The following MTUS2 variants were observed in gnomAD, a reference collection of about 807,000 sequenced individuals.
MTUS2 encodes the protein microtubule-associated tumor suppressor candidate 2.
A neutral mutation model predicts 114.1 loss-of-function variants in MTUS2; 40 were observed. That is an observed-to-expected ratio of 0.35 (90% CI 0.27 to 0.46). MTUS2 has a LOEUF of 0.46. Ranked by LOEUF, MTUS2 falls within the 20% of genes least tolerant of loss-of-function variation. The pLI is 1.00. For synonymous variants in MTUS2, 688 were observed against 672.0 expected, an observed-to-expected ratio of 1.02 and a Z score of -0.37; for missense variants, 1,679 against 1,705.4, an observed-to-expected ratio of 0.98 and a Z score of 0.27.
At chr13:28,876,780 G>A (rs1329437558) in intron 2 of MTUS2, among the ~76,000 whole-genome samples, 1 of 152,096 alleles carries the variant, frequency 6.6e-6, no homozygotes, top group Non-Finnish European at 1.5e-5. Flanking sequence ...AGGAAGGAGG[G>A]AAAACACGCT....
At chr13:29,281,569 T>C in intron 5 of MTUS2, 135 bp from the exon 6 acceptor site, 1 of 939,134 alleles carries the variant, frequency 1.1e-6, no homozygotes, top group Non-Finnish European at 1.6e-6. Context: ...AAAATACTTT[T>C]CAAGGTCACT....
intron 4 of MTUS2, among the ~76,000 whole-genome samples, chr13:29,061,073 G>A (rs1888396645): frequency 6.6e-6 from 1 of 152,092 alleles, no homozygotes; most frequent in African/African-American, 2.4e-5. Context: ...TTACCGACGT[G>A]AGCCACTGCG....
intron 2 of MTUS2, among the ~76,000 whole-genome samples, chr13:28,889,576 C>G (rs562821265): frequency 2.6e-5 from 4 of 152,198 alleles, no homozygotes; most frequent in East Asian, 3.9e-4. Flanking sequence ...GTTTCTGTAT[C>G]TCTTGCAAAC....
At chr13:29,159,222 A>C (rs944270901) in intron 5 of MTUS2, among the ~76,000 whole-genome samples, 14 of 152,246 alleles carry the variant, frequency 9.2e-5, no homozygotes, top group African/African-American at 3.4e-4. Context: ...TATAAACTTT[A>C]TAACAAATCC....
At chr13:29,479,830 C>T (rs1881017396) in intron 9 of MTUS2, among the ~76,000 whole-genome samples, 1 of 152,156 alleles carries the variant, frequency 6.6e-6, no homozygotes, top group African/African-American at 2.4e-5. Context: ...CTGTGGACCA[C>T]GGACCTTGTG....
intron 2 of MTUS2, among the ~76,000 whole-genome samples, chr13:28,963,830 C>T (rs1034257962): frequency 6.6e-6 from 1 of 152,160 alleles, no homozygotes; most frequent in Non-Finnish European, 1.5e-5. Context: ...TCATCTTATC[C>T]TTTCACGACC....
chr13:29,003,000 A>T (rs1049495853), intron 2 of MTUS2, among the ~76,000 whole-genome samples: 1 of 152,184 alleles, frequency 6.6e-6, no homozygotes, highest in Non-Finnish European at 1.5e-5. Flanking sequence ...CACCAACCCT[A>T]TTGTGAAAGC....
chr13:29,346,349 C>T (rs1265916526), intron 7 of MTUS2, among the ~76,000 whole-genome samples: 1 of 152,106 alleles, frequency 6.6e-6, no homozygotes, highest in East Asian at 1.9e-4. Context: ...TGTCTGGGCT[C>T]AGACTCTCCT....
At chr13:29,337,589 T>C (rs561285153) in intron 7 of MTUS2, among the ~76,000 whole-genome samples, 7 of 135,844 alleles carry the variant, frequency 5.2e-5, no homozygotes, top group African/African-American at 1.9e-4. Context: ...CTGTTTTATT[T>C]ATTTTTTATT....
intron 5 of MTUS2, among the ~76,000 whole-genome samples, chr13:29,113,718 A>G (rs1293461410): frequency 1.3e-5 from 2 of 152,128 alleles, no homozygotes; most frequent in Admixed American, 6.5e-5. Flanking sequence ...AGCATCTTCA[A>G]GATTCACAAT....
intron 2 of MTUS2, among the ~76,000 whole-genome samples, chr13:28,844,348 T>C (rs1485691581): frequency 6.6e-6 from 1 of 152,232 alleles, no homozygotes. Flanking sequence ...TAATTCTTTG[T>C]CATATTTATG....
At position 29,016,459 on chromosome 13, in the gene MTUS2, A is replaced by G. The variant is rs141019000; in HGVS notation, c.-242-7998A>G. Among the ~76,000 whole-genome samples, 578 of 152,132 alleles carry G rather than the reference A, an allele frequency of 3.8e-3. 3 individuals are homozygous for G. Among genetic ancestry groups the G allele is most frequent in the African/African-American group, 0.013 (552 of 41,496 alleles). On this transcript the variant is annotated intron_variant, in intron 2 of 15. Coordinates refer to ENST00000612955, the MANE Select transcript of MTUS2 (RefSeq NM_001033602.4). ...ATTTTTATTGGGGGAGATTTTAAAT[A>G]TCAATGAACATAATATTTTGTTTAA... is the stretch of plus-strand genomic sequence containing the variant.
At chr13:29,309,644 A>C (rs1287745938) in intron 6 of MTUS2, among the ~76,000 whole-genome samples, 4 of 123,496 alleles carry the variant, frequency 3.2e-5, no homozygotes, top group Non-Finnish European at 6.7e-5. Flanking sequence ...AGATTTCAAC[A>C]TGTGAATTTT....
intron 5 of MTUS2, chr13:29,239,922 C>T (rs1389384076): frequency 6.6e-6 from 1 of 151,580 alleles, no homozygotes; most frequent in African/African-American, 2.4e-5. Context: ...CCAAGAGGTT[C>T]TCAAGTTTTG....
At chr13:29,055,068 G>T (rs912898979) in intron 4 of MTUS2, among the ~76,000 whole-genome samples, 3 of 151,944 alleles carry the variant, frequency 2.0e-5, no homozygotes, top group African/African-American at 7.2e-5. Context: ...TAGCGTTATT[G>T]CAGTCCTTTA....
chr13:29,446,466 T>G (rs970634666), intron 9 of MTUS2, among the ~76,000 whole-genome samples: 3 of 152,314 alleles, frequency 2.0e-5, no homozygotes, highest in Non-Finnish European at 4.4e-5. Context: ...ATCAGAGTCT[T>G]CATACTTGTC....
chr13:29,274,932 A>G (rs1898006700), intron 5 of MTUS2, among the ~76,000 whole-genome samples: 1 of 151,956 alleles, frequency 6.6e-6, no homozygotes, highest in Non-Finnish European at 1.5e-5. Context: ...ACAGGGTCTC[A>G]CTATGTTGCC....
At position 29,414,468 on chromosome 13, in the gene MTUS2, T is replaced by TA. The variant is rs67181675; in HGVS notation, c.3118-25496dup. 3.4e-3 allele frequency among the ~76,000 whole-genome samples: 436 copies of TA among 126,780 alleles called. 1 individual carries two copies. Among genetic ancestry groups the TA allele is most frequent in the African/African-American group, 9.9e-3 (338 of 34,244 alleles). 83.2% of individuals were successfully genotyped at this position (126,780 alleles called of 152,430 possible). A position where few individuals can be genotyped will look rare whatever the true frequency, so the allele number is the denominator to read the frequency against. On this transcript the variant is annotated intron_variant, in intron 8 of 15. Coordinates refer to ENST00000612955, the MANE Select transcript of MTUS2 (RefSeq NM_001033602.4). ...CTTAGAGTATAATAAAAAAAAAAATTAAAAAAAAAAAAAAAAAAAGAAGAC... is the reference window on the plus strand; with the variant it reads ...CTTAGAGTATAATAAAAAAAAAAATTAAAAAAAAAAAAAAAAAAAAGAAGAC...
intron 9 of MTUS2, among the ~76,000 whole-genome samples, chr13:29,460,211 G>A (rs1566213301): frequency 6.6e-6 from 1 of 152,096 alleles, no homozygotes; most frequent in Non-Finnish European, 1.5e-5. Context: ...GTACAGAAGG[G>A]GGTTGACTTG....
Sources: gnomAD v4.1 joint callset for allele counts (sites outside exome capture counted in the v4.1 genomes callset) on GRCh38, gnomAD v4.1.1 for gene constraint, MANE v1.5 for transcripts, NCBI Gene and HGNC (gene_info 2026-07-23, HGNC 2026-07-21) for gene names.